PSD3: variants seen among roughly 807,000 people sequenced by gnomAD.
PSD3 encodes pleckstrin and Sec7 domain containing 3.
Under a neutral mutation model 105.5 loss-of-function variants are expected in PSD3, and 49 were observed. The observed-to-expected ratio is 0.46, with a 90% CI of 0.37 to 0.59. The LOEUF (loss-of-function observed/expected upper bound fraction) is 0.59. Ranked by LOEUF, PSD3 falls within the 20% of genes least tolerant of loss-of-function variation. The pLI is 0.00. For synonymous variants in PSD3, 557 were observed against 457.8 expected (o/e 1.22, Z -2.77); for missense variants, 1,561 against 1,263.8 (o/e 1.24, Z -3.57).
In PSD3 at chr8:18,629,027, C is replaced by T. The variant is rs1267133580; in HGVS notation, c.2410+3586G>A. Among the ~76,000 whole-genome samples, 3 of 151,894 alleles carry T rather than the reference C, an allele frequency of 2.0e-5. No individual in the cohort carries two copies. The East Asian group carries it at 5.8e-4, about 29-fold the overall frequency. On this transcript the variant is annotated intron_variant, in intron 11 of 15. Transcript: ENST00000327040. ...GTGATTTACAATAAAAAGCGAGACC[C>T]ACCAATATTCCATATAATAGAAAGC...
chr8:19,049,401 G>T (rs1259345486), intron 1 of PSD3, among the ~76,000 whole-genome samples: 2 of 152,246 alleles, frequency 1.3e-5, no homozygotes, highest in African/African-American at 4.8e-5. Context: ...TATGAGAAAG[G>T]ATGATGTGCC....
At chr8:18,562,141 C>A (rs760844477) in intron 14 of PSD3, among the ~76,000 whole-genome samples, 5 of 152,084 alleles carry the variant, frequency 3.3e-5, no homozygotes, top group Non-Finnish European at 7.4e-5. Flanking sequence ...CACCGAGCGC[C>A]CATACAGCAG....
intron 8 of PSD3, among the ~76,000 whole-genome samples, chr8:18,793,171 G>C (rs1476178927): frequency 6.6e-6 from 1 of 152,034 alleles, no homozygotes; most frequent in Non-Finnish European, 1.5e-5. Context: ...ACCCCCTGTC[G>C]TGGGGTGGGG....
chr8:18,566,343 G>A (rs112977251), intron 14 of PSD3, among the ~76,000 whole-genome samples: 11,818 of 151,866 alleles, frequency 0.078, 1,076 homozygotes, highest in African/African-American at 0.21. Context: ...TTGCTAACAC[G>A]GTGAAACCTT....
chr8:19,013,704 G>T, upstream of PSD3: 2 of 882,840 alleles, frequency 2.3e-6, no homozygotes, highest in Non-Finnish European at 2.9e-6. Context: ...CGGGACTGCC[G>T]AGAGGCGGCG....
chr8:18,820,719 G>C (rs2129449287), intron 4 of PSD3, among the ~76,000 whole-genome samples: 1 of 152,214 alleles, frequency 6.6e-6, no homozygotes, highest in South Asian at 2.1e-4. Flanking sequence ...AAATACAACA[G>C]TCTGCTGTAT....
At chr8:18,879,589 T>C (rs1333251853) in intron 2 of PSD3, among the ~76,000 whole-genome samples, 2 of 151,664 alleles carry the variant, frequency 1.3e-5, no homozygotes, top group Non-Finnish European at 2.9e-5. Flanking sequence ...CATTCATCAT[T>C]GCTTTTTTTT....
intron 11 of PSD3, among the ~76,000 whole-genome samples, chr8:18,604,570 G>C (rs1292994359): frequency 1.3e-5 from 2 of 151,926 alleles, no homozygotes; most frequent in African/African-American, 4.8e-5. Flanking sequence ...TTTCAGAAGA[G>C]GAATTCAAAC....
intron 4 of PSD3, among the ~76,000 whole-genome samples, chr8:18,806,965 C>T (rs1175518372): frequency 1.2e-4 from 18 of 152,094 alleles, no homozygotes; most frequent in East Asian, 7.7e-4. Flanking sequence ...ACAGTGGTAA[C>T]GACTAAACAA....
rs73589595 is a variant in PSD3 at position 19,080,803 on chromosome 8, G to T, written c.324+3403C>A. Among the ~76,000 whole-genome samples, 627 of 152,116 alleles carry T rather than the reference G, an allele frequency of 4.1e-3. 3 individuals carry two copies. Among genetic ancestry groups the T allele is most frequent in the African/African-American group, 0.014 (564 of 41,486 alleles). On this transcript the variant is annotated intron_variant, in intron 1 of 1. Coordinates refer to the PSD3 transcript ENST00000521475. ...AATTTAAGGCCATAGATAAAATTGA[G>T]GTCAGTAAAAATGAGGGACATTAAA...
At chr8:18,824,386 A>C (rs1052561339) in intron 4 of PSD3, among the ~76,000 whole-genome samples, 2 of 152,186 alleles carry the variant, frequency 1.3e-5, no homozygotes, top group African/African-American at 4.8e-5. Context: ...GCTCAAGCCG[A>C]CCAAAGTTCA....
chr8:18,657,543 C>T (rs1025106669), intron 9 of PSD3, among the ~76,000 whole-genome samples: 1 of 152,088 alleles, frequency 6.6e-6, no homozygotes, highest in Admixed American at 6.5e-5. Context: ...TACTGAGGCA[C>T]AAAGACTATG....
chr8:18,617,943 C>G (rs530557608), intron 11 of PSD3, among the ~76,000 whole-genome samples: 3 of 152,282 alleles, frequency 2.0e-5, no homozygotes, highest in South Asian at 2.1e-4. Context: ...TGGGGGAAAT[C>G]TGCATTCTAT....
intron 8 of PSD3, among the ~76,000 whole-genome samples, chr8:18,780,962 A>G (rs1472424296): frequency 6.6e-6 from 1 of 152,150 alleles, no homozygotes; most frequent in Non-Finnish European, 1.5e-5. Context: ...GTGGTGATTA[A>G]CTTCAATTTT....
At chr8:18,847,117 C>CT (rs1000614870) in intron 4 of PSD3, among the ~76,000 whole-genome samples, 3 of 152,152 alleles carry the variant, frequency 2.0e-5, no homozygotes, top group African/African-American at 7.2e-5. Context: ...ACTTCCGCTG[C>CT]TGAGGCGCAC....
rs114181486 is a variant in PSD3 at position 18,774,993 on chromosome 8, C to A, written c.2083-9455G>T. 1,140 of 456,088 alleles carry A rather than the reference C, an allele frequency of 2.5e-3. 8 individuals are homozygous for A. Among genetic ancestry groups the A allele is most frequent in the African/African-American group, 0.02 (1,024 of 50,146 alleles). 28.3% of individuals were successfully genotyped at this position (456,088 alleles called of 1,614,324 possible). A position where few individuals can be genotyped will look rare whatever the true frequency, so the allele number is the denominator to read the frequency against. Reference sequence around the variant, plus strand: ...GTGCCCATTAATCAACCTTTCAAAACCCTTTCTAAATCCCCTGTGCCCCTC... The same window carrying A: ...GTGCCCATTAATCAACCTTTCAAAAACCTTTCTAAATCCCCTGTGCCCCTC... On this transcript the variant is annotated intron_variant, in intron 8 of 15. Coordinates refer to ENST00000327040, the MANE Select transcript of PSD3 (RefSeq NM_015310.4).
intron 1 of PSD3, among the ~76,000 whole-genome samples, chr8:18,937,920 G>A (rs1003185383): frequency 2.0e-5 from 3 of 152,162 alleles, no homozygotes; most frequent in East Asian, 1.9e-4. Context: ...AAGGCCATAC[G>A]CATGGCCTTA....
intron 4 of PSD3, among the ~76,000 whole-genome samples, chr8:18,862,119 G>T (rs4921967): frequency 0.74 from 112,774 of 152,104 alleles, 42,604 homozygotes; most frequent in East Asian, 0.98. Context: ...GCTCCTACTG[G>T]GTACCGGACA....
At chr8:18,805,914 T>C (rs1811154071) in intron 4 of PSD3, among the ~76,000 whole-genome samples, 1 of 152,212 alleles carries the variant, frequency 6.6e-6, no homozygotes, top group African/African-American at 2.4e-5. Flanking sequence ...AAGAAAATGT[T>C]TGCCAATAAC....
Sources: gnomAD v4.1 joint callset for allele counts (sites outside exome capture counted in the v4.1 genomes callset) on GRCh38, gnomAD v4.1.1 for gene constraint, MANE v1.5 for transcripts, NCBI Gene and HGNC (gene_info 2026-07-23, HGNC 2026-07-21) for gene names.